EFL1: variants seen among roughly 807,000 people sequenced by gnomAD.
The protein encoded by EFL1 is elongation factor like GTPase 1.
A neutral mutation model predicts 126.7 loss-of-function variants in EFL1; 76 were observed. The ratio of observed to expected loss-of-function variants is 0.60; its 90% CI spans 0.50 to 0.73. The LOEUF (loss-of-function observed/expected upper bound fraction) is 0.73. Ranked by LOEUF, EFL1 falls within the 30% of genes least tolerant of loss-of-function variation. EFL1 has a pLI of 0.00. For missense variants in EFL1, 1,128 were observed against 1,343.2 expected (o/e 0.84, Z 2.50); for synonymous variants, 410 against 448.4 (o/e 0.91, Z 1.08).
chr15:82,168,396 T>C (rs768000943), intron 15 of EFL1, among the ~76,000 whole-genome samples: 3 of 152,200 alleles, frequency 2.0e-5, no homozygotes, highest in Non-Finnish European at 2.9e-5. Context: ...TTAAATCAAC[T>C]GCCCTTTAAC....
chr15:82,196,268 A>G (rs1193740395), intron 15 of EFL1, among the ~76,000 whole-genome samples: 2 of 152,166 alleles, frequency 1.3e-5, no homozygotes, highest in African/African-American at 4.8e-5. Context: ...TTACAAAGGG[A>G]AAGACCCGGG....
At chr15:82,180,359 C>CAAAACAAAAAAACA (rs539712919) in intron 15 of EFL1, among the ~76,000 whole-genome samples, 2 of 120,610 alleles carry the variant, frequency 1.7e-5, no homozygotes, top group Non-Finnish European at 3.3e-5. Context: ...ATTAAACTGG[C>CAAAACAAAAAAACA]AAAAAAAAAA....
In EFL1 at chr15:82,219,780, C is replaced by G. The variant is rs1335853674; in HGVS notation, c.1483G>C (p.Val495Leu). 1 of 1,613,968 alleles carries G rather than the reference C, an allele frequency of 6.2e-7. No individual in the cohort carries two copies. ...QQVESMTPKP[V>L]LQEENNQESF... The stretch of plus-strand genomic sequence containing the variant: ...TCTTGGTTGTTTTCTTCCTGGAGCA[C>G]AGGTTTAGGGGTCATACTTTCCACC... The change falls in exon 14 of 20, where the codon GTG becomes CTG. Residue 495 changes from valine (V) to leucine (L), a missense_variant. Physicochemically the swap from Val to Leu is conservative, Grantham distance 32. Around this residue, in one of 6 missense-constraint regions of EFL1, gnomAD observed 120 missense variants for 142.1 expected, o/e 0.84. Transcript: ENST00000268206.
At chr15:82,146,870 G>A (rs982756187) in intron 18 of EFL1, among the ~76,000 whole-genome samples, 8 of 152,118 alleles carry the variant, frequency 5.3e-5, no homozygotes, top group Admixed American at 4.6e-4. Context: ...TCCAGAGAGA[G>A]GTGACAAAGA....
At chr15:82,198,411 A>G (rs2074432635) in intron 15 of EFL1, among the ~76,000 whole-genome samples, 2 of 152,210 alleles carry the variant, frequency 1.3e-5, no homozygotes, top group African/African-American at 2.4e-5. Flanking sequence ...CAAGTGAGCT[A>G]GTCCTCATGG....
At chr15:82,177,391 A>G (rs931196882) in intron 15 of EFL1, among the ~76,000 whole-genome samples, 2 of 152,190 alleles carry the variant, frequency 1.3e-5, no homozygotes, top group Non-Finnish European at 2.9e-5. Context: ...ATCTCCTTGT[A>G]TCTTTTTTCT....
At position 82,200,542 on chromosome 15, in the gene EFL1, C is replaced by T. The variant is rs111447905; in HGVS notation, c.1750+14175G>A. Among the ~76,000 whole-genome samples, 511 of 151,884 alleles carry T rather than the reference C, an allele frequency of 3.4e-3. 6 individuals carry two copies. The highest frequency in any genetic ancestry group is 0.012 in the African/African-American group (488 of 41,278). On this transcript the variant is annotated intron_variant, in intron 15 of 19. Coordinates refer to ENST00000268206, the MANE Select transcript of EFL1 (RefSeq NM_024580.6). Reference sequence around the variant, plus strand: ...GCACAGAGAAAAGAACAGAAAGATACTCAGAATATTTCTGCTTCTCTTAAC... The same window carrying T: ...GCACAGAGAAAAGAACAGAAAGATATTCAGAATATTTCTGCTTCTCTTAAC...
chr15:82,139,989 T>C (rs906724798), intron 18 of EFL1, among the ~76,000 whole-genome samples: 9 of 152,202 alleles, frequency 5.9e-5, no homozygotes, highest in Non-Finnish European at 1.0e-4. Flanking sequence ...TAGTGGCGGT[T>C]ATTAGGAACG....
intron 12 of EFL1, among the ~76,000 whole-genome samples, chr15:82,222,654 G>A (rs1166920542): frequency 1.3e-5 from 2 of 152,122 alleles, no homozygotes; most frequent in African/African-American, 4.8e-5. Context: ...TGATGGTAGC[G>A]GGGAACAAAG....
intron 15 of EFL1, among the ~76,000 whole-genome samples, chr15:82,165,500 G>A (rs1400161044): frequency 6.6e-6 from 1 of 152,104 alleles, no homozygotes; most frequent in East Asian, 1.9e-4. Flanking sequence ...GAGGTTTCTT[G>A]TTGTCCGACT....
chr15:82,218,968 A>G (rs2074679989), intron 14 of EFL1, among the ~76,000 whole-genome samples: 1 of 152,140 alleles, frequency 6.6e-6, no homozygotes, highest in Non-Finnish European at 1.5e-5. Flanking sequence ...TTTTGTGCTC[A>G]TGATGCTCCA....
intron 19 of EFL1, among the ~76,000 whole-genome samples, chr15:82,130,988 C>A (rs1215780767): frequency 1.3e-5 from 2 of 151,948 alleles, no homozygotes; most frequent in Non-Finnish European, 2.9e-5. Context: ...GCACTCCAGC[C>A]TGGGCGACAG....
At chr15:82,182,299 T>C (rs2074259701) in intron 15 of EFL1, among the ~76,000 whole-genome samples, 3 of 152,262 alleles carry the variant, frequency 2.0e-5, no homozygotes, top group African/African-American at 4.8e-5. Flanking sequence ...CAAACAGATA[T>C]ATTTTTAGGC....
At chr15:82,137,142 C>A (rs889148014) in intron 19 of EFL1, among the ~76,000 whole-genome samples, 1 of 152,020 alleles carries the variant, frequency 6.6e-6, no homozygotes, top group African/African-American at 2.4e-5. Flanking sequence ...TGTCCAAAGT[C>A]AATTTTTCTG....
intron 18 of EFL1, 28 bp from the exon 19 acceptor site, chr15:82,138,870 A>T (rs1413417405): frequency 6.2e-7 from 1 of 1,603,092 alleles, no homozygotes; most frequent in Non-Finnish European, 8.5e-7. Context: ...TTTTAAAATC[A>T]TGGATCAATC....
In EFL1 at chr15:82,262,732, G is replaced by C. The variant is rs1332310385; in HGVS notation, c.-138C>G. On this transcript the variant is annotated 5_prime_UTR_variant, in exon 1 of 20. Coordinates refer to ENST00000268206, the MANE Select transcript of EFL1 (RefSeq NM_024580.6). ...GCCCGCGCGCCAGGGGGCGGGGCCG[G>C]CTGTCGCTCGACCTTTCACCCGCAC... The C allele has an allele frequency of 8.3e-6, 8 of 959,726 alleles. No individual in the cohort carries two copies. The Admixed American group carries it at 9.8e-5, about 12-fold the overall frequency. 59.5% of individuals were successfully genotyped at this position (959,726 alleles called of 1,614,324 possible). A position where few individuals can be genotyped will look rare whatever the true frequency, so the allele number is the denominator to read the frequency against.
Position 82,241,326 on chromosome 15 carries a change from G to C in EFL1, c.322C>G (p.Arg108Gly). The change falls in exon 5 of 20, where the codon CGC becomes GGC. Residue 108 changes from arginine (R) to glycine (G), a missense_variant. By Grantham distance (125) the Arg-to-Gly change is moderately radical. Transcript: ENST00000268206. The part of the protein sequence containing the change: ...DFSSEVSTAV[R>G]ICDGCIIVVD... ...ACAATGATGCATCCATCACAAATGCGAACAGCGGTTGATACTTCTGAGGAA... is the reference window on the plus strand; with the variant it reads ...ACAATGATGCATCCATCACAAATGCCAACAGCGGTTGATACTTCTGAGGAA... 6.2e-7 allele frequency: 1 copy of C among 1,613,942 alleles called. No homozygotes were observed. Among genetic ancestry groups the C allele is most frequent in the South Asian group, 1.1e-5 (1 of 91,068 alleles).
chr15:82,236,383 A>G (rs991794950), intron 7 of EFL1, among the ~76,000 whole-genome samples: 2 of 152,234 alleles, frequency 1.3e-5, no homozygotes, highest in Non-Finnish European at 2.9e-5. Context: ...ATTAAAAATA[A>G]TGTGGACAGA....
At chr15:82,219,631 T>C in intron 14 of EFL1, 21 bp downstream of exon 14, 1 of 1,590,816 alleles carries the variant, frequency 6.3e-7, no homozygotes, top group East Asian at 2.3e-5. Context: ...AATATATAAA[T>C]ATTTTACTTT....
Sources: gnomAD v4.1 joint callset for allele counts (sites outside exome capture counted in the v4.1 genomes callset) on GRCh38, gnomAD v4.1.1 for gene constraint, gnomAD v4.1.1 regional missense constraint, MANE v1.5 for transcripts, NCBI Gene and HGNC (gene_info 2026-07-23, HGNC 2026-07-21) for gene names.